Variants in OSBPL1A observed in about 807,000 individuals in gnomAD.
OSBPL1A encodes the protein oxysterol-binding protein-related protein 1.
In OSBPL1A, 80 loss-of-function variants were observed where a neutral mutation model predicts 137.1. That is an observed-to-expected ratio of 0.58 (90% CI 0.49 to 0.70). The LOEUF (loss-of-function observed/expected upper bound fraction) is 0.70. OSBPL1A is among the 30% of genes least tolerant of loss of function. OSBPL1A has a pLI of 0.00. For synonymous variants in OSBPL1A, 365 were observed against 389.7 expected (o/e 0.94, Z 0.75); for missense variants, 970 against 1,129.4 (o/e 0.86, Z 2.02).
chr18:24,317,833 T>C (rs1027051323), intron 9 of OSBPL1A, among the ~76,000 whole-genome samples: 1 of 152,210 alleles, frequency 6.6e-6, no homozygotes, highest in African/African-American at 2.4e-5. Flanking sequence ...AATTATGTGC[T>C]CTTCAAGGTT....
intron 2 of OSBPL1A, among the ~76,000 whole-genome samples, chr18:24,371,176 C>A (rs917478063): frequency 1.5e-4 from 23 of 152,148 alleles, no homozygotes; most frequent in African/African-American, 5.6e-4. Context: ...AGGTCGCTAA[C>A]CAACGGTGAA....
At chr18:24,182,653 T>G (rs2086637401) in intron 18 of OSBPL1A, among the ~76,000 whole-genome samples, 1 of 152,044 alleles carries the variant, frequency 6.6e-6, no homozygotes. Flanking sequence ...AAAACAGACA[T>G]GTAACAGCTC....
At chr18:24,196,446 C>T (rs912827081) in intron 17 of OSBPL1A, among the ~76,000 whole-genome samples, 3 of 152,228 alleles carry the variant, frequency 2.0e-5, no homozygotes, top group Non-Finnish European at 4.4e-5. Flanking sequence ...GATCTGAACT[C>T]AGTCCTCCCA....
chr18:24,382,124 G>A (rs1466456452), intron 1 of OSBPL1A, among the ~76,000 whole-genome samples: 1 of 151,714 alleles, frequency 6.6e-6, no homozygotes, highest in Admixed American at 6.6e-5. Context: ...CATGAGGCTG[G>A]GCGCAGTGGC....
chr18:24,327,047 T>C (rs1213998274), intron 7 of OSBPL1A, among the ~76,000 whole-genome samples: 1 of 151,966 alleles, frequency 6.6e-6, no homozygotes, highest in Non-Finnish European at 1.5e-5. Context: ...GGGTTTTTTC[T>C]TTTTTCCTAT....
chr18:24,371,488 G>A (rs1413225979), intron 2 of OSBPL1A, among the ~76,000 whole-genome samples: 5 of 152,240 alleles, frequency 3.3e-5, no homozygotes, highest in South Asian at 2.1e-4. Flanking sequence ...AAGACTAACC[G>A]TTCTCTCTGG....
rs377046655 is a variant in OSBPL1A at position 24,210,423 on chromosome 18, G to A, written c.1602-14223C>T. 1.6e-4 allele frequency among the ~76,000 whole-genome samples: 25 copies of A among 151,940 alleles called. No individual in the cohort carries two copies. In the East Asian group the frequency reaches 1.9e-3, roughly 12 times the overall value. ...ACTGCACTCCAGCCTGGGTGATGGA[G>A]TGAGACTCCATCTCAAAAACAAAAC... On this transcript the variant is annotated intron_variant, in intron 17 of 27. Coordinates refer to ENST00000319481, the MANE Select transcript of OSBPL1A (RefSeq NM_080597.4).
chr18:24,215,852 G>T (rs555786972), intron 17 of OSBPL1A, among the ~76,000 whole-genome samples: 84 of 152,164 alleles, frequency 5.5e-4, no homozygotes, highest in Non-Finnish European at 9.1e-4. Context: ...TTGTGTTCAC[G>T]TGTGTTGGGA....
Position 24,324,602 on chromosome 18 carries a change from AT to A in OSBPL1A, c.626-5794del, listed in dbSNP as rs1263462072. Among the ~76,000 whole-genome samples, 6 of 26,328 alleles carry A rather than the reference AT, an allele frequency of 2.3e-4. 2 individuals are homozygous for A. Among genetic ancestry groups the A allele is most frequent in the Non-Finnish European group, 4.3e-4 (5 of 11,636 alleles). The allele number at this position is 26,328 out of a possible 152,430, so 17.3% of individuals were successfully genotyped here. A position where few individuals can be genotyped will look rare whatever the true frequency, so the allele number is the denominator to read the frequency against. ...TCCCAATAAAAACATGAATATGAAT[AT>A]AAAAAAAAAAAAAAAAAAAAAAAAA... is the stretch of plus-strand genomic sequence containing the variant. On this transcript the variant is annotated intron_variant, in intron 7 of 27. Transcript: ENST00000319481.
At chr18:24,305,186 A>G (rs894704462) in intron 13 of OSBPL1A, among the ~76,000 whole-genome samples, 4 of 152,240 alleles carry the variant, frequency 2.6e-5, no homozygotes, top group East Asian at 1.9e-4. Context: ...AATGGCTTCA[A>G]TTGCAGACTA....
intron 16 of OSBPL1A, among the ~76,000 whole-genome samples, chr18:24,229,999 C>T (rs907368672): frequency 6.6e-6 from 1 of 152,202 alleles, no homozygotes; most frequent in African/African-American, 2.4e-5. Context: ...ATCCGCCCAC[C>T]TCGGCCTCCC....
chr18:24,265,750 G>T (rs2089554651), intron 15 of OSBPL1A, among the ~76,000 whole-genome samples: 1 of 152,148 alleles, frequency 6.6e-6, no homozygotes, highest in South Asian at 2.1e-4. Flanking sequence ...GCCACTGTGT[G>T]TAACAGTGTG....
intron 21 of OSBPL1A, among the ~76,000 whole-genome samples, chr18:24,174,191 T>C (rs1255417649): frequency 6.8e-6 from 1 of 146,502 alleles, no homozygotes; most frequent in Non-Finnish European, 1.5e-5. Context: ...CTGTAAACAT[T>C]TGTATACAGG....
In OSBPL1A at chr18:24,163,223, TGC is replaced by T; in HGVS notation, c.2807_2808del (p.Gly936GlufsTer12). ...YNGAQDWIYS[G>X]SYWDRNYFNL... The stretch of plus-strand genomic sequence containing the variant: ...TTGAAGTAATTTCTGTCCCAGTAGC[TGC>T]CAGAGTAAATCCAGTCCTGTGCTCC... On this transcript the variant is annotated frameshift_variant, in exon 28 of 28. Transcript: ENST00000319481. LOFTEE classifies it high-confidence loss of function. 1 of 1,613,726 alleles carries T rather than the reference TGC, an allele frequency of 6.2e-7. No homozygotes were observed. Among genetic ancestry groups the T allele is most frequent in the Non-Finnish European group, 8.5e-7 (1 of 1,179,714 alleles).
chr18:24,210,814 G>A (rs2087516186), intron 17 of OSBPL1A, among the ~76,000 whole-genome samples: 1 of 152,116 alleles, frequency 6.6e-6, no homozygotes. Context: ...GAGATTACAG[G>A]TGTGAGCCAT....
intron 16 of OSBPL1A, among the ~76,000 whole-genome samples, chr18:24,227,476 A>G (rs1168970380): frequency 6.6e-6 from 1 of 152,232 alleles, no homozygotes; most frequent in Admixed American, 6.5e-5. Flanking sequence ...ATTTCTCTGC[A>G]TTGAAGAAAG....
intron 7 of OSBPL1A, 28 bp from the exon 8 acceptor site, chr18:24,318,837 A>G (rs1260679889): frequency 1.3e-6 from 2 of 1,591,076 alleles, no homozygotes; most frequent in Admixed American, 3.4e-5. Flanking sequence ...AAAAAAAGCC[A>G]TCAACAGCTT....
intron 12 of OSBPL1A, 44 bp from the exon 13 acceptor site, chr18:24,312,150 A>C: frequency 6.2e-7 from 1 of 1,606,338 alleles, no homozygotes; most frequent in South Asian, 1.1e-5. Context: ...AAGCATTTTT[A>C]TTCCAAAGAG....
chr18:24,165,865 G>A (rs1249621076), intron 26 of OSBPL1A, among the ~76,000 whole-genome samples: 1 of 152,192 alleles, frequency 6.6e-6, no homozygotes. Flanking sequence ...GGAGTCTGAG[G>A]TGGGCGGATC....
Sources: gnomAD v4.1 joint callset for allele counts (sites outside exome capture counted in the v4.1 genomes callset) on GRCh38, gnomAD v4.1.1 for gene constraint, MANE v1.5 for transcripts, NCBI Gene and HGNC (gene_info 2026-07-23, HGNC 2026-07-21) for gene names.